CTNNA3: variants seen among roughly 807,000 people sequenced by gnomAD.
CTNNA3 encodes catenin alpha 3.
CTNNA3 carries 76 observed loss-of-function variants against 95.7 expected under a neutral mutation model. That is an observed-to-expected ratio of 0.79 (90% CI 0.66 to 0.96). The LOEUF (loss-of-function observed/expected upper bound fraction) is 0.96, where lower values mean the gene tolerates loss of function less well. Among genes scored for constraint, CTNNA3 ranks in the 40% least tolerant of loss-of-function variants. The pLI is 0.00. For synonymous variants in CTNNA3, 431 were observed against 374.4 expected, an observed-to-expected ratio of 1.15 and a Z score of -1.74; for missense variants, 1,191 against 1,089.8, an observed-to-expected ratio of 1.09 and a Z score of -1.31.
At chr10:67,168,019 C>A (rs1350475595) in intron 7 of CTNNA3, among the ~76,000 whole-genome samples, 2 of 152,154 alleles carry the variant, frequency 1.3e-5, no homozygotes, top group Admixed American at 1.3e-4. Flanking sequence ...CACCTGCAAT[C>A]CCAGCTACTC....
At position 66,322,667 on chromosome 10, in the gene CTNNA3, G is replaced by A. The variant is rs112158020; in HGVS notation, c.1733-42046C>T. Among the ~76,000 whole-genome samples, 4 of 152,224 alleles carry A rather than the reference G, an allele frequency of 2.6e-5. 1 individual carries two copies. Among genetic ancestry groups the A allele is most frequent in the African/African-American group, 9.6e-5 (4 of 41,564 alleles). ...AGAACAAATCCTGGTTGGCGGGAGG[G>A]AGTTGGCAGGAGTATCTCCATTCTG... On this transcript the variant is annotated intron_variant, in intron 12 of 17. Transcript: ENST00000433211.
Position 66,911,669 on chromosome 10 carries a change from T to C in CTNNA3, c.1048-136145A>G, listed in dbSNP as rs75051689. On this transcript the variant is annotated intron_variant, in intron 7 of 17. Coordinates refer to ENST00000433211, the MANE Select transcript of CTNNA3 (RefSeq NM_013266.4). ...AACCAGTTACTTCATCTCTCTGGTC[T>C]ACATTTTTAAATCTGTAAAATGTGA... is the stretch of plus-strand genomic sequence containing the variant. 3.7e-3 allele frequency among the ~76,000 whole-genome samples: 571 copies of C among 152,350 alleles called. 1 individual carries two copies. Among genetic ancestry groups the C allele is most frequent in the Middle Eastern group, 0.01 (3 of 294 alleles).
At chr10:66,819,837 G>C (rs1212883679) in intron 7 of CTNNA3, among the ~76,000 whole-genome samples, 1 of 151,980 alleles carries the variant, frequency 6.6e-6, no homozygotes, top group Non-Finnish European at 1.5e-5. Context: ...AAATAAAAAG[G>C]GTTGGCCAGG....
intron 9 of CTNNA3, among the ~76,000 whole-genome samples, chr10:66,660,126 C>G (rs1047557915): frequency 2.6e-5 from 4 of 152,040 alleles, no homozygotes; most frequent in Non-Finnish European, 4.4e-5. Context: ...CCAGCCTATT[C>G]CTCATTCTAA....
intron 7 of CTNNA3, among the ~76,000 whole-genome samples, chr10:66,967,501 A>G (rs1849496765): frequency 6.6e-6 from 1 of 151,914 alleles, no homozygotes. Context: ...GGAAAATGAC[A>G]TCTTTCCCTC....
At chr10:67,640,056 G>C (rs151251348) in intron 2 of CTNNA3, among the ~76,000 whole-genome samples, 5,399 of 152,294 alleles carry the variant, frequency 0.035, 95 homozygotes, top group Middle Eastern at 0.078. Flanking sequence ...AAAACAGGAA[G>C]TCAAACTGTC....
chr10:67,505,937 G>A (rs4746686), intron 5 of CTNNA3, among the ~76,000 whole-genome samples: 27,474 of 152,060 alleles, frequency 0.18, 3,569 homozygotes, highest in East Asian at 0.67. Context: ...TTAAAATCAG[G>A]TTTGTAATAA....
At chr10:66,105,143 T>A (rs1319124905) in intron 13 of CTNNA3, among the ~76,000 whole-genome samples, 3 of 152,332 alleles carry the variant, frequency 2.0e-5, no homozygotes, top group Admixed American at 1.3e-4. Context: ...CTATTTTTTA[T>A]CTCCGTGTTG....
rs764419738 is a variant in CTNNA3 at position 66,775,478 on chromosome 10, T to C, written c.1094A>G (p.Asn365Ser). ...AAGGTCTCTTGTCTTCTTACACATG[T>C]TGTCTAAAGCAATATTCAGGGTATT... ...RSNTLNIALDNMCKKTRDLRR... is the reference protein window; with the variant it reads ...RSNTLNIALDSMCKKTRDLRR... Residue 365 changes from asparagine (N) to serine (S), a missense_variant, in exon 8 of 18, where the codon AAC becomes AGC. Physicochemically the swap from Asn to Ser is conservative, Grantham distance 46 (BLOSUM62 1). Coordinates refer to ENST00000433211, the MANE Select transcript of CTNNA3 (RefSeq NM_013266.4). 1.1e-5 allele frequency: 17 copies of C among 1,611,776 alleles called. No individual in the cohort carries two copies. The South Asian group carries it at 1.7e-4, about 16-fold the overall frequency.
intron 10 of CTNNA3, among the ~76,000 whole-genome samples, chr10:66,606,472 C>T (rs1363513133): frequency 6.6e-6 from 1 of 152,178 alleles, no homozygotes; most frequent in Non-Finnish European, 1.5e-5. Flanking sequence ...ACATTCTTCT[C>T]ATCACCACAT....
intron 5 of CTNNA3, among the ~76,000 whole-genome samples, chr10:67,296,453 T>C (rs1235007391): frequency 6.6e-6 from 1 of 152,198 alleles, no homozygotes; most frequent in Non-Finnish European, 1.5e-5. Flanking sequence ...ACCATGGAGA[T>C]GGATAAAATA....
intron 12 of CTNNA3, among the ~76,000 whole-genome samples, chr10:66,290,909 T>C (rs111770010): frequency 7.4e-4 from 112 of 152,314 alleles, no homozygotes; most frequent in African/African-American, 2.6e-3. Flanking sequence ...ATGCTAATGA[T>C]GTAAATTGAT....
chr10:67,021,135 A>C (rs539053420), intron 7 of CTNNA3, among the ~76,000 whole-genome samples: 1 of 152,290 alleles, frequency 6.6e-6, no homozygotes, highest in East Asian at 1.9e-4. Context: ...ACGGAAGAGG[A>C]AGGCCAGTCA....
At chr10:67,552,335 T>G (rs140996730) in intron 3 of CTNNA3, among the ~76,000 whole-genome samples, 479 of 152,302 alleles carry the variant, frequency 3.1e-3, no homozygotes, top group Middle Eastern at 6.8e-3. Flanking sequence ...GAATAATGAT[T>G]ATATGATTTT....
At chr10:67,702,720 G>C (rs1007901640) in intron 1 of CTNNA3, among the ~76,000 whole-genome samples, 7 of 152,054 alleles carry the variant, frequency 4.6e-5, no homozygotes, top group Non-Finnish European at 1.0e-4. Context: ...AAAAGAACTA[G>C]AAAAGCAAGA....
intron 11 of CTNNA3, among the ~76,000 whole-genome samples, chr10:66,388,176 T>G (rs1403459233): frequency 6.6e-6 from 1 of 152,178 alleles, no homozygotes; most frequent in Non-Finnish European, 1.5e-5. Context: ...ATATATGTAT[T>G]CAACGAATGT....
rs10997726 is a variant in CTNNA3, at chr10:67,569,123, C to T, written c.293-29454G>A. 0.018 allele frequency among the ~76,000 whole-genome samples: 2,706 copies of T among 152,192 alleles called. 196 individuals carry two copies. In the East Asian group the frequency reaches 0.21, roughly 12 times the overall value. On this transcript the variant is annotated intron_variant, in intron 3 of 17. Transcript: ENST00000433211. ...CATTGAAGACTGATGAGATAATTAG[C>T]TACATTGCTTGTAAACTACTAATTG... is the stretch of plus-strand genomic sequence containing the variant.
At chr10:66,625,667 C>A (rs150483971) in intron 9 of CTNNA3, among the ~76,000 whole-genome samples, 2,951 of 152,254 alleles carry the variant, frequency 0.019, 35 homozygotes, top group South Asian at 0.048. Context: ...AGGATTACAG[C>A]CATGTGCCAT....
chr10:67,584,426 G>A (rs1159662775), intron 3 of CTNNA3, among the ~76,000 whole-genome samples: 1 of 152,178 alleles, frequency 6.6e-6, no homozygotes. Flanking sequence ...CCTTCTTCTG[G>A]AAGCTTCATC....
Sources: allele counts gnomAD v4.1 joint callset (sites outside exome capture counted in the v4.1 genomes callset), GRCh38; gene constraint gnomAD v4.1.1; transcripts MANE v1.5; gene names NCBI Gene and HGNC (gene_info 2026-07-23, HGNC 2026-07-21).